The following ALG9 variants were observed in gnomAD, a reference collection of about 807,000 sequenced individuals.
ALG9 encodes the protein ALG9 alpha-1,2-mannosyltransferase, also known as alpha-1,2-mannosyltransferase ALG9.
ALG9 carries 55 observed loss-of-function variants against 81.8 expected under a neutral mutation model. The ratio of observed to expected loss-of-function variants is 0.67; its 90% CI spans 0.54 to 0.84. The LOEUF (loss-of-function observed/expected upper bound fraction) is 0.84, where lower values mean the gene tolerates loss of function less well. Among genes scored for constraint, ALG9 ranks in the 40% least tolerant of loss-of-function variants. ALG9 has a pLI of 0.00. For missense variants in ALG9, 629 were observed against 745.0 expected, an observed-to-expected ratio of 0.84 and a Z score of 1.81; for synonymous variants, 278 against 274.3, an observed-to-expected ratio of 1.01 and a Z score of -0.13.
In ALG9 at chr11:111,811,450, G is replaced by A. The variant is rs961410723; in HGVS notation, c.1603-1677C>T. On this transcript the variant is annotated intron_variant, in intron 13 of 14. Coordinates refer to ENST00000616540, the MANE Select transcript of ALG9 (RefSeq NM_024740.2). ...CCCAGCTACTTGGGAGGCTGAGGCAGGAGAATTGTTTGAACCTGGGAGGTG... is the reference window on the plus strand; with the variant it reads ...CCCAGCTACTTGGGAGGCTGAGGCAAGAGAATTGTTTGAACCTGGGAGGTG... 2.0e-5 allele frequency among the ~76,000 whole-genome samples: 3 copies of A among 151,274 alleles called. No homozygotes were observed. In the East Asian group the frequency reaches 5.8e-4, roughly 29 times the overall value.
intron 13 of ALG9, among the ~76,000 whole-genome samples, chr11:111,826,471 A>G (rs908679211): frequency 1.3e-4 from 19 of 151,538 alleles, no homozygotes; most frequent in Non-Finnish European, 1.6e-4. Flanking sequence ...CCCCAGTCCA[A>G]CTTCCCAGAG....
intron 14 of ALG9, among the ~76,000 whole-genome samples, chr11:111,808,703 T>C (rs781991857): frequency 6.0e-4 from 91 of 152,316 alleles, no homozygotes; most frequent in Middle Eastern, 3.4e-3. Context: ...CCAGGTCCTC[T>C]GTCTTTTGCT....
At chr11:111,841,812 A>T (rs1197647990) in intron 9 of ALG9, among the ~76,000 whole-genome samples, 1 of 152,238 alleles carries the variant, frequency 6.6e-6, no homozygotes, top group East Asian at 1.9e-4. Flanking sequence ...ATTTTGTTTC[A>T]ACTTTTGCTC....
At chr11:111,831,488 A>G (rs1414776519) in intron 13 of ALG9, among the ~76,000 whole-genome samples, 1 of 152,138 alleles carries the variant, frequency 6.6e-6, no homozygotes, top group Non-Finnish European at 1.5e-5. Flanking sequence ...ACAGAGTGAG[A>G]CCCTGCCTCT....
In ALG9 at chr11:111,862,494, T is replaced by A. The variant is rs201658042; in HGVS notation, c.477-1859A>T. On this transcript the variant is annotated intron_variant, in intron 4 of 14. Coordinates refer to ENST00000616540, the MANE Select transcript of ALG9 (RefSeq NM_024740.2). ...AGTGATCCACCTGCCTCGGCCTCCC[T>A]AAGTGCTGGGATTACAGGCATAAAA... 4.6e-5 allele frequency among the ~76,000 whole-genome samples: 7 copies of A among 151,686 alleles called. No individual in the cohort carries two copies. In the South Asian group the frequency reaches 1.5e-3, roughly 31 times the overall value.
the ALG9 span, among the ~76,000 whole-genome samples, chr11:111,773,075 TA>T: frequency 2.2e-3 from 322 of 143,304 alleles, no homozygotes; most frequent in Middle Eastern, 3.6e-3. Context: ...CCTCTCTACT[TA>T]AAAAAAAAAA....
chr11:111,804,042 A>T (rs1351804014), intron 14 of ALG9, among the ~76,000 whole-genome samples: 2 of 151,270 alleles, frequency 1.3e-5, no homozygotes, highest in African/African-American at 4.9e-5. Context: ...CTGAGGCAGC[A>T]GAATCGCTTG....
At chr11:111,863,530 G>C (rs1193443754) in intron 4 of ALG9, among the ~76,000 whole-genome samples, 2 of 152,036 alleles carry the variant, frequency 1.3e-5, no homozygotes, top group African/African-American at 4.8e-5. Flanking sequence ...TCACAGTCAA[G>C]GCCAAACATT....
chr11:111,863,360 A>T lies in ALG9; in HGVS notation c.476+1821T>A, dbSNP rs1961034459. Among the ~76,000 whole-genome samples, 2 of 152,198 alleles carry T rather than the reference A, an allele frequency of 1.3e-5. 1 individual carries two copies. The highest frequency in any genetic ancestry group is 4.1e-4 in the South Asian group (2 of 4,836). On this transcript the variant is annotated intron_variant, in intron 4 of 14. Transcript: ENST00000616540. Reference sequence around the variant, plus strand: ...GTGACAGTCTCAAAAATAAAATAAAATAAATAAAATATATTAAAGTAAATT... The same window carrying T: ...GTGACAGTCTCAAAAATAAAATAAATTAAATAAAATATATTAAAGTAAATT...
intron 14 of ALG9, among the ~76,000 whole-genome samples, chr11:111,809,337 C>T (rs568511106): frequency 1.3e-5 from 2 of 152,060 alleles, no homozygotes; most frequent in African/African-American, 4.8e-5. Flanking sequence ...GGAGACCAGC[C>T]TGGCCAACAT....
At chr11:111,787,939 T>C (rs560043378) in intron 14 of ALG9, among the ~76,000 whole-genome samples, 17 of 152,308 alleles carry the variant, frequency 1.1e-4, no homozygotes, top group Admixed American at 5.2e-4. Context: ...TTCCAGAGTC[T>C]GTACTCTTAA....
intron 14 of ALG9, among the ~76,000 whole-genome samples, chr11:111,796,945 T>C (rs1948381363): frequency 6.6e-6 from 1 of 152,194 alleles, no homozygotes; most frequent in African/African-American, 2.4e-5. Flanking sequence ...TGCCATCGGG[T>C]GGAGTCTCTC....
chr11:111,868,057 G>C (rs1162495565), intron 3 of ALG9, among the ~76,000 whole-genome samples: 1 of 151,968 alleles, frequency 6.6e-6, no homozygotes, highest in Non-Finnish European at 1.5e-5. Flanking sequence ...AACCGGACAG[G>C]GCTGAAAAAG....
chr11:111,805,110 G>A, intron 14 of ALG9: 1 of 359,992 alleles, frequency 2.8e-6, no homozygotes, highest in Non-Finnish European at 5.5e-6. Context: ...GATGGTATTT[G>A]GAGGTGGGCC....
chr11:111,853,427 T>C lies in ALG9; in HGVS notation c.848A>G (p.Asn283Ser), dbSNP rs1555140635. 3 of 1,614,106 alleles carry C rather than the reference T, an allele frequency of 1.9e-6. No individual in the cohort carries two copies. The highest frequency in any genetic ancestry group is 8.5e-7 in the Non-Finnish European group (1 of 1,179,966). Residue 283 changes from asparagine to serine, a missense_variant, in exon 8 of 15, where the codon AAC (asparagine) becomes AGC (serine). Coordinates refer to ENST00000616540, the MANE Select transcript of ALG9 (RefSeq NM_024740.2). ...AGTAAAGACATTATACAAAACAATGTTGAGTGGTGCAATCACCAACTTCCC... is the reference window on the plus strand; with the variant it reads ...AGTAAAGACATTATACAAAACAATGCTGAGTGGTGCAATCACCAACTTCCC... ...YYGKLVIAPL[N>S]IVLYNVFTPH...
chr11:111,800,585 T>C (rs1237012173), intron 14 of ALG9, among the ~76,000 whole-genome samples: 1 of 151,758 alleles, frequency 6.6e-6, no homozygotes, highest in Non-Finnish European at 1.5e-5. Context: ...CCTAACCAGC[T>C]GACTTAAGAA....
At position 111,834,596 on chromosome 11, in the gene ALG9, A is replaced by C. The variant is rs190237522; in HGVS notation, c.1602+1569T>G. Among the ~76,000 whole-genome samples the C allele has an allele frequency of 1.1e-3, 169 of 152,354 alleles. 1 individual carries two copies. Among genetic ancestry groups the C allele is most frequent in the African/African-American group, 3.7e-3 (153 of 41,584 alleles). On this transcript the variant is annotated intron_variant, in intron 13 of 14. Transcript: ENST00000616540. Reference sequence around the variant, plus strand: ...TTTGCCCAAGGTTATCAAGTTTAGCAACAGAGCTGAGGTTTGAATGCAGGC... The same window carrying C: ...TTTGCCCAAGGTTATCAAGTTTAGCCACAGAGCTGAGGTTTGAATGCAGGC...
chr11:111,790,098 G>A (rs782304255), intron 14 of ALG9, among the ~76,000 whole-genome samples: 28 of 151,956 alleles, frequency 1.8e-4, no homozygotes, highest in African/African-American at 5.1e-4. Flanking sequence ...ACTAGCAGCC[G>A]GGCGCGGTGG....
intron 13 of ALG9, among the ~76,000 whole-genome samples, chr11:111,811,962 G>A (rs782800508): frequency 1.3e-5 from 2 of 152,090 alleles, no homozygotes; most frequent in Non-Finnish European, 2.9e-5. Flanking sequence ...CCATTGAATT[G>A]TATGCTTTAA....
Sources: allele counts gnomAD v4.1 joint callset (sites outside exome capture counted in the v4.1 genomes callset), GRCh38; gene constraint gnomAD v4.1.1; transcripts MANE v1.5; gene names NCBI Gene and HGNC (gene_info 2026-07-23, HGNC 2026-07-21).